The following SOX6 variants were observed in gnomAD, a reference collection of about 807,000 sequenced individuals.
The protein encoded by SOX6 is SRY-box transcription factor 6.
Under a neutral mutation model 97.8 loss-of-function variants are expected in SOX6, and 11 were observed. That is an observed-to-expected ratio of 0.11 (90% CI 0.07 to 0.19). The LOEUF is 0.19. Among genes scored for constraint, SOX6 ranks in the 10% least tolerant of loss-of-function variants. The pLI is 1.00. For synonymous variants in SOX6, 360 were observed against 371.4 expected (o/e 0.97, Z 0.35); for missense variants, 810 against 1,039.5 (o/e 0.78, Z 3.04).
chr11:16,138,608 A>G (rs544380679), intron 6 of SOX6, among the ~76,000 whole-genome samples: 17 of 151,760 alleles, frequency 1.1e-4, no homozygotes, highest in East Asian at 9.7e-4. Context: ...GTGCAGGTTT[A>G]TTACATATGT....
intron 3 of SOX6, among the ~76,000 whole-genome samples, chr11:16,653,688 T>C (rs945045511): frequency 2.0e-5 from 3 of 152,262 alleles, no homozygotes; most frequent in Admixed American, 2.0e-4. Context: ...GCTTGGGTGA[T>C]GGGTGCACCA....
chr11:16,485,276 C>T (rs1203033469), intron 4 of SOX6, among the ~76,000 whole-genome samples: 1 of 152,106 alleles, frequency 6.6e-6, no homozygotes, highest in Non-Finnish European at 1.5e-5. Context: ...AAAATAGTGT[C>T]TACACAAAAC....
At chr11:16,552,015 A>G (rs759608043) in intron 4 of SOX6, among the ~76,000 whole-genome samples, 1 of 152,052 alleles carries the variant, frequency 6.6e-6, no homozygotes, top group African/African-American at 2.4e-5. Context: ...TATAATGTAC[A>G]TTTTTCTTAC....
chr11:16,308,856 A>G (rs1283787893), intron 3 of SOX6, among the ~76,000 whole-genome samples: 1 of 152,196 alleles, frequency 6.6e-6, no homozygotes, highest in African/African-American at 2.4e-5. Flanking sequence ...GGAGGGCTAA[A>G]GACATTCAGC....
chr11:16,411,831 T>C (rs1384502273), intron 1 of SOX6, among the ~76,000 whole-genome samples: 2 of 152,212 alleles, frequency 1.3e-5, no homozygotes, highest in African/African-American at 4.8e-5. Context: ...ATATTCATTT[T>C]TGTTTTGTTT....
intron 2 of SOX6, among the ~76,000 whole-genome samples, chr11:16,324,491 C>T (rs1856015290): frequency 6.6e-6 from 1 of 152,060 alleles, no homozygotes; most frequent in Non-Finnish European, 1.5e-5. Context: ...AAATCATAGT[C>T]TTGCAGAAAA....
intron 4 of SOX6, among the ~76,000 whole-genome samples, chr11:16,599,069 T>C (rs1381872094): frequency 6.6e-6 from 1 of 152,172 alleles, no homozygotes; most frequent in Non-Finnish European, 1.5e-5. Flanking sequence ...CGTATCATCA[T>C]TGAAGAGCAT....
intron 3 of SOX6, among the ~76,000 whole-genome samples, chr11:16,690,351 A>G (rs1848003366): frequency 6.6e-6 from 1 of 152,162 alleles, no homozygotes; most frequent in Non-Finnish European, 1.5e-5. Context: ...ATAAAGCTTA[A>G]AATTCTGTTT....
At chr11:15,999,939 G>C (rs1854353397) in intron 13 of SOX6, among the ~76,000 whole-genome samples, 2 of 152,132 alleles carry the variant, frequency 1.3e-5, no homozygotes, top group Non-Finnish European at 2.9e-5. Flanking sequence ...AATGTAGAAG[G>C]TGAAATTTTA....
At chr11:16,691,100 G>A (rs1848009787) in intron 3 of SOX6, among the ~76,000 whole-genome samples, 2 of 152,104 alleles carry the variant, frequency 1.3e-5, no homozygotes, top group Non-Finnish European at 2.9e-5. Flanking sequence ...ACTCAAAATT[G>A]AGGATCATTC....
intron 3 of SOX6, among the ~76,000 whole-genome samples, chr11:16,669,441 C>T (rs867381651): frequency 6.6e-6 from 1 of 152,218 alleles, no homozygotes; most frequent in Non-Finnish European, 1.5e-5. Flanking sequence ...GACTGCAGCA[C>T]ACCCCCAGCA....
chr11:16,560,969 G>A (rs984060590), intron 4 of SOX6, among the ~76,000 whole-genome samples: 4 of 152,106 alleles, frequency 2.6e-5, no homozygotes, highest in Non-Finnish European at 4.4e-5. Context: ...GGGCTTGGGG[G>A]AAATATGGGA....
intron 1 of SOX6, among the ~76,000 whole-genome samples, chr11:16,446,670 T>C (rs1324595815): frequency 2.0e-5 from 3 of 152,142 alleles, no homozygotes; most frequent in Non-Finnish European, 4.4e-5. Context: ...AACATAGTTA[T>C]TATAGAAAAT....
chr11:16,702,655 C>G (rs1188142046), intron 3 of SOX6, among the ~76,000 whole-genome samples: 1 of 151,980 alleles, frequency 6.6e-6, no homozygotes, highest in African/African-American at 2.4e-5. Flanking sequence ...TCACTTTTTC[C>G]CATTAGTATC....
intron 1 of SOX6, among the ~76,000 whole-genome samples, chr11:16,378,904 A>G (rs1469656236): frequency 2.0e-5 from 3 of 152,158 alleles, no homozygotes; most frequent in African/African-American, 7.2e-5. Context: ...CCATTAGAAT[A>G]ATGTACAATA....
chr11:16,451,010 G>A (rs191323462), intron 1 of SOX6, among the ~76,000 whole-genome samples: 5 of 152,246 alleles, frequency 3.3e-5, no homozygotes, highest in African/African-American at 1.2e-4. Flanking sequence ...AAGGCAGGTG[G>A]ATTGCTTGAA....
chr11:16,687,847 AGTT>A (rs1847981062), intron 3 of SOX6, among the ~76,000 whole-genome samples: 2 of 152,156 alleles, frequency 1.3e-5, no homozygotes, highest in Non-Finnish European at 2.9e-5. Context: ...AGTGCTTTAA[AGTT>A]GTTGTGCCAC....
intron 12 of SOX6, among the ~76,000 whole-genome samples, chr11:16,028,153 T>A (rs975178771): frequency 6.6e-6 from 1 of 152,252 alleles, no homozygotes; most frequent in Non-Finnish European, 1.5e-5. Flanking sequence ...AGCCTGCTAA[T>A]TAATGTAGCA....
At chr11:16,601,565 G>A (rs1848270095) in intron 4 of SOX6, among the ~76,000 whole-genome samples, 1 of 152,002 alleles carries the variant, frequency 6.6e-6, no homozygotes, top group Non-Finnish European at 1.5e-5. Flanking sequence ...TTTCAAACAT[G>A]GAAAGAGATA....
Sources: gnomAD v4.1 joint callset for allele counts (sites outside exome capture counted in the v4.1 genomes callset) on GRCh38, gnomAD v4.1.1 for gene constraint, MANE v1.5 for transcripts, NCBI Gene and HGNC (gene_info 2026-07-23, HGNC 2026-07-21) for gene names.